TNFRSF10A: variants seen among roughly 807,000 people sequenced by gnomAD.
The protein encoded by TNFRSF10A is tumor necrosis factor receptor superfamily member 10A.
In TNFRSF10A, 44 loss-of-function variants were observed where a neutral mutation model predicts 42.8. The ratio of observed to expected loss-of-function variants is 1.03; its 90% CI spans 0.81 to 1.32. The LOEUF (loss-of-function observed/expected upper bound fraction) is 1.32. Among genes scored for constraint, TNFRSF10A ranks in the 40% most tolerant of loss-of-function variants. The pLI, the probability that TNFRSF10A is intolerant of heterozygous loss-of-function variation, is 0.00. For missense variants in TNFRSF10A, 680 were observed against 602.0 expected (o/e 1.13, Z -1.36); for synonymous variants, 259 against 234.2 (o/e 1.11, Z -0.97).
At chr8:23,223,037 T>G (rs1209818090) in intron 1 of TNFRSF10A, among the ~76,000 whole-genome samples, 1 of 152,202 alleles carries the variant, frequency 6.6e-6, no homozygotes, top group East Asian at 1.9e-4. Context: ...AAGCCTCTTT[T>G]AAAATTATCC....
chr8:23,192,082 A>G, intron 9 of TNFRSF10A, 69 bp from the exon 10 acceptor site: 1 of 1,540,004 alleles, frequency 6.5e-7, no homozygotes, highest in South Asian at 1.2e-5. Context: ...AGAGGATCCC[A>G]CATCAGGCCC....
At chr8:23,217,138 T>C (rs1156591606) in intron 1 of TNFRSF10A, among the ~76,000 whole-genome samples, 1 of 152,250 alleles carries the variant, frequency 6.6e-6, no homozygotes, top group Non-Finnish European at 1.5e-5. Context: ...TTAATCCTTT[T>C]GAGCGTTGCT....
At chr8:23,206,787 C>A (rs1399097935) in intron 2 of TNFRSF10A, 1 of 154,088 alleles carries the variant, frequency 6.5e-6, no homozygotes, top group Non-Finnish European at 1.4e-5. Flanking sequence ...ATGAAAGGGG[C>A]AAATTCCTAG....
intron 1 of TNFRSF10A, among the ~76,000 whole-genome samples, chr8:23,215,225 A>G (rs116004461): frequency 0.026 from 3,982 of 152,310 alleles, 162 homozygotes; most frequent in African/African-American, 0.083. Context: ...TAGAAAAGGA[A>G]GAGCAGGGGG....
chr8:23,219,749 G>GCTCCCTCCACCCAGTGCTGAGACC (rs1563387184), intron 1 of TNFRSF10A, among the ~76,000 whole-genome samples: 2 of 152,156 alleles, frequency 1.3e-5, no homozygotes, highest in Non-Finnish European at 2.9e-5. Flanking sequence ...GACTGTCCCC[G>GCTCCCTCCACCCAGTGCTGAGACC]CTCCCTCCAC....
chr8:23,206,105 C>A (rs7003323), intron 2 of TNFRSF10A, among the ~76,000 whole-genome samples: 131,904 of 152,230 alleles, frequency 0.87, 60,254 homozygotes, highest in East Asian at 1. Flanking sequence ...TTATAGAATA[C>A]GAATATAAAG....
At chr8:23,222,681 G>A (rs1801272936) in intron 1 of TNFRSF10A, among the ~76,000 whole-genome samples, 1 of 152,160 alleles carries the variant, frequency 6.6e-6, no homozygotes, top group Admixed American at 6.5e-5. Flanking sequence ...TCCCTGCCAG[G>A]GCTCACGTTG....
At position 23,212,150 on chromosome 8, in the gene TNFRSF10A, C is replaced by T. The variant is rs1308902523; in HGVS notation, c.369G>A (p.Trp123Ter). 6.2e-7 allele frequency: 1 copy of T among 1,613,794 alleles called. No individual in the cohort carries two copies. The stretch of plus-strand genomic sequence containing the variant: ...ACAACTCTCCCAAAGGGCTATGTTC[C>T]CATTGCTGTGTGCCAATTGATTGAT... ...LHDQSIGTQQWEHSPLGELCP... is the reference protein window; with the variant it reads ...LHDQSIGTQQ Residue 123 changes from tryptophan (W) to a stop codon, truncating the protein, a stop_gained, in exon 2 of 10, where the codon TGG becomes TGA. Transcript: ENST00000221132. LOFTEE classifies it high-confidence loss of function.
chr8:23,197,833 A>G (rs1179555807), intron 8 of TNFRSF10A, among the ~76,000 whole-genome samples: 1 of 152,200 alleles, frequency 6.6e-6, no homozygotes. Context: ...AAAGAATCAC[A>G]AGAAATGATA....
intron 1 of TNFRSF10A, among the ~76,000 whole-genome samples, chr8:23,218,835 A>G (rs1801218912): frequency 6.6e-6 from 1 of 152,234 alleles, no homozygotes; most frequent in African/African-American, 2.4e-5. Flanking sequence ...TAAAACAAAG[A>G]CAATGAGGGT....
chr8:23,222,071 G>C (rs1360728404), intron 1 of TNFRSF10A, among the ~76,000 whole-genome samples: 1 of 152,004 alleles, frequency 6.6e-6, no homozygotes, highest in African/African-American at 2.4e-5. Context: ...TAGAGACGGG[G>C]TTTCACCGTG....
intron 2 of TNFRSF10A, among the ~76,000 whole-genome samples, chr8:23,203,281 A>G (rs1800960711): frequency 6.6e-6 from 1 of 152,196 alleles, no homozygotes; most frequent in African/African-American, 2.4e-5. Context: ...CCCTGCCCTC[A>G]GTGAGCTCTT....
intron 1 of TNFRSF10A, chr8:23,224,512 G>T: frequency 1.8e-6 from 1 of 544,718 alleles, no homozygotes; most frequent in South Asian, 2.1e-5. Context: ...AGCAGCCAAC[G>T]GGGTGGAGTC....
chr8:23,206,287 T>A lies in TNFRSF10A; in HGVS notation c.404-3526A>T, dbSNP rs1801006936. On this transcript the variant is annotated intron_variant, in intron 2 of 9. Transcript: ENST00000221132. ...TTTGGTGTAGCCTAAATGTACAGTG[T>A]TTATAAAGTCCATAGTAGTGTACAG... Among the ~76,000 whole-genome samples the A allele has an allele frequency of 2.6e-5, 4 of 152,110 alleles. No homozygotes were observed. The South Asian group carries it at 8.3e-4, about 32-fold the overall frequency.
intron 1 of TNFRSF10A, among the ~76,000 whole-genome samples, chr8:23,215,451 T>A (rs1260501729): frequency 6.6e-6 from 1 of 152,100 alleles, no homozygotes; most frequent in Non-Finnish European, 1.5e-5. Flanking sequence ...GAGGTTCCAG[T>A]GAGCTGAGAT....
rs371669140 is a variant in TNFRSF10A at position 23,215,943 on chromosome 8, G to C, written c.307-3731C>G. Among the ~76,000 whole-genome samples the C allele has an allele frequency of 7.3e-5, 11 of 151,612 alleles. No individual in the cohort carries two copies. The East Asian group carries it at 1.9e-3, about 27-fold the overall frequency. On this transcript the variant is annotated intron_variant, in intron 1 of 9. Coordinates refer to ENST00000221132, the MANE Select transcript of TNFRSF10A (RefSeq NM_003844.4). ...AAGCGATTCTCCTGCCTCAGCCTCC[G>C]GAGTAGCTGGGATTACAGGCATGTG...
At chr8:23,223,406 T>A (rs1172000168) in intron 1 of TNFRSF10A, among the ~76,000 whole-genome samples, 1 of 152,216 alleles carries the variant, frequency 6.6e-6, no homozygotes, top group South Asian at 2.1e-4. Context: ...CTGTGACATT[T>A]CCAAAACCAC....
At chr8:23,212,448 C>T (rs1801105089) in intron 1 of TNFRSF10A, among the ~76,000 whole-genome samples, 1 of 152,230 alleles carries the variant, frequency 6.6e-6, no homozygotes, top group African/African-American at 2.4e-5. Context: ...ACTCTACATA[C>T]TTCATATAAA....
intron 1 of TNFRSF10A, among the ~76,000 whole-genome samples, chr8:23,223,603 T>C (rs1801287210): frequency 6.6e-6 from 1 of 152,262 alleles, no homozygotes; most frequent in East Asian, 1.9e-4. Context: ...CAAAATGCTA[T>C]TGGATTCCTG....
Sources: gnomAD v4.1 joint callset for allele counts (sites outside exome capture counted in the v4.1 genomes callset) on GRCh38, gnomAD v4.1.1 for gene constraint, MANE v1.5 for transcripts, NCBI Gene and HGNC (gene_info 2026-07-23, HGNC 2026-07-21) for gene names.